TENM2: variants seen among roughly 807,000 people sequenced by gnomAD.
TENM2 encodes teneurin transmembrane protein 2.
A neutral mutation model predicts 245.2 loss-of-function variants in TENM2; 52 were observed. The ratio of observed to expected loss-of-function variants is 0.21; its 90% CI spans 0.17 to 0.27. The LOEUF (loss-of-function observed/expected upper bound fraction) is 0.27, where lower values mean the gene tolerates loss of function less well. Ranked by LOEUF, TENM2 falls within the 10% of genes least tolerant of loss-of-function variation. TENM2 has a pLI of 1.00. For synonymous variants in TENM2, 1,363 were observed against 1,438.9 expected, an observed-to-expected ratio of 0.95 and a Z score of 1.19; for missense variants, 3,046 against 3,666.8, an observed-to-expected ratio of 0.83 and a Z score of 4.37.
the TENM2 span, among the ~76,000 whole-genome samples, chr5:167,244,943 T>C: frequency 6.6e-6 from 1 of 151,676 alleles, no homozygotes; most frequent in South Asian, 2.1e-4. Flanking sequence ...CTTCAAAGCA[T>C]GACCAAAAGA....
chr5:168,057,301 G>T (rs967621349), intron 6 of TENM2, among the ~76,000 whole-genome samples: 2 of 140,652 alleles, frequency 1.4e-5, no homozygotes, highest in South Asian at 2.3e-4. Flanking sequence ...TACCCCTGTC[G>T]CCTCGCCCAA....
At chr5:167,750,377 T>G (rs955845614) in intron 2 of TENM2, among the ~76,000 whole-genome samples, 1 of 152,174 alleles carries the variant, frequency 6.6e-6, no homozygotes, top group South Asian at 2.1e-4. Flanking sequence ...TCCTTGACTC[T>G]TGATATCCTG....
intron 1 of TENM2, among the ~76,000 whole-genome samples, chr5:167,360,194 C>T (rs1759622062): frequency 6.6e-6 from 1 of 152,098 alleles, no homozygotes; most frequent in South Asian, 2.1e-4. Flanking sequence ...AAATTAAACC[C>T]ATTATATCCA....
the TENM2 span, among the ~76,000 whole-genome samples, chr5:167,249,945 T>C: frequency 1.3e-5 from 2 of 152,138 alleles, no homozygotes; most frequent in Non-Finnish European, 2.9e-5. Context: ...GCTCTGACTG[T>C]GAACAGGGCT....
intron 5 of TENM2, among the ~76,000 whole-genome samples, chr5:168,033,741 G>C (rs1787330860): frequency 6.6e-6 from 1 of 152,008 alleles, no homozygotes; most frequent in South Asian, 2.1e-4. Context: ...GGAGGGGGAG[G>C]TCAGGCATGG....
At chr5:167,755,099 G>T in intron 2 of TENM2, 1 of 1,598,980 alleles carries the variant, frequency 6.3e-7, no homozygotes, top group Non-Finnish European at 8.5e-7. Context: ...TGGCACAATT[G>T]AATGCAAGCC....
chr5:167,749,389 C>T (rs921453015), intron 2 of TENM2, among the ~76,000 whole-genome samples: 1 of 152,072 alleles, frequency 6.6e-6, no homozygotes, highest in Non-Finnish European at 1.5e-5. Flanking sequence ...CCTATAATTT[C>T]AGCACTTTGG....
chr5:167,253,421 C>T, the TENM2 span, among the ~76,000 whole-genome samples: 13 of 151,754 alleles, frequency 8.6e-5, no homozygotes, highest in African/African-American at 3.1e-4. Context: ...CTCTGTTAGT[C>T]TTAGAGTCAA....
chr5:167,158,195 A>G, the TENM2 span, among the ~76,000 whole-genome samples: 5 of 152,228 alleles, frequency 3.3e-5, no homozygotes, highest in African/African-American at 7.2e-5. Context: ...AAACACAGAT[A>G]TAGAACACAG....
intron 2 of TENM2, among the ~76,000 whole-genome samples, chr5:167,695,018 T>C (rs371719644): frequency 5.3e-5 from 8 of 152,362 alleles, no homozygotes; most frequent in African/African-American, 1.7e-4. Context: ...CTCTTGCTTC[T>C]GATGTCATTT....
chr5:168,230,521 T>C (rs927983855), intron 25 of TENM2, among the ~76,000 whole-genome samples: 2 of 152,196 alleles, frequency 1.3e-5, no homozygotes, highest in Non-Finnish European at 1.5e-5. Context: ...TTTCGTCAGA[T>C]GTTTCGTGAG....
At chr5:167,496,467 T>A (rs958450515) in intron 2 of TENM2, among the ~76,000 whole-genome samples, 2 of 152,124 alleles carry the variant, frequency 1.3e-5, no homozygotes, top group Non-Finnish European at 2.9e-5. Flanking sequence ...TCTTTCTCCA[T>A]TACATGTCCT....
chr5:167,147,303 C>G, the TENM2 span, among the ~76,000 whole-genome samples: 1 of 152,188 alleles, frequency 6.6e-6, no homozygotes, highest in Non-Finnish European at 1.5e-5. Flanking sequence ...CATCAATCAT[C>G]ATCCAGTTGT....
intron 2 of TENM2, among the ~76,000 whole-genome samples, chr5:167,562,167 G>A (rs548137666): frequency 3.9e-5 from 6 of 152,168 alleles, no homozygotes; most frequent in African/African-American, 1.2e-4. Flanking sequence ...GTGAGGCTGC[G>A]ATGGCATCCA....
chr5:167,027,632 T>G, the TENM2 span, among the ~76,000 whole-genome samples: 1 of 152,206 alleles, frequency 6.6e-6, no homozygotes, highest in Non-Finnish European at 1.5e-5. Flanking sequence ...TATTTATTGA[T>G]CTTTTTCCTG....
intron 2 of TENM2, among the ~76,000 whole-genome samples, chr5:167,407,841 C>A (rs1356349427): frequency 1.3e-5 from 2 of 152,120 alleles, no homozygotes; most frequent in African/African-American, 4.8e-5. Flanking sequence ...CAAAAAACCA[C>A]AAACTGGCAG....
chr5:167,458,701 CCAGA>C (rs767509768), intron 2 of TENM2, among the ~76,000 whole-genome samples: 6 of 151,980 alleles, frequency 3.9e-5, no homozygotes, highest in South Asian at 2.1e-4. Context: ...TTATTATTTG[CCAGA>C]CAGTTTTCTA....
rs1466388818 is a variant in TENM2 at position 167,458,486 on chromosome 5, C to CAA, written c.502+83019_502+83020dup. On this transcript the variant is annotated intron_variant, in intron 2 of 28. Transcript: ENST00000518659. ...TAGGCGACAAAGCAAGACTCCGTCTCAAAAAAACAAAAAAAAAAAAAAAAA... is the reference window on the plus strand; with the variant it reads ...TAGGCGACAAAGCAAGACTCCGTCTCAAAAAAAAACAAAAAAAAAAAAAAAAA... Among the ~76,000 whole-genome samples, 120 of 35,566 alleles carry CAA rather than the reference C, an allele frequency of 3.4e-3. 1 individual carries two copies. Among genetic ancestry groups the CAA allele is most frequent in the African/African-American group, 7.7e-3 (72 of 9,370 alleles). 23.3% of individuals were successfully genotyped at this position (35,566 alleles called of 152,430 possible).
At chr5:167,454,487 C>T (rs76436506) in intron 2 of TENM2, among the ~76,000 whole-genome samples, 2,109 of 149,694 alleles carry the variant, frequency 0.014, 57 homozygotes, top group African/African-American at 0.048. Context: ...CATGTGCACA[C>T]GTGTGTATGT....
Sources: gnomAD v4.1 joint callset for allele counts (sites outside exome capture counted in the v4.1 genomes callset) on GRCh38, gnomAD v4.1.1 for gene constraint, MANE v1.5 for transcripts, NCBI Gene and HGNC (gene_info 2026-07-23, HGNC 2026-07-21) for gene names.